The following DNAJB6 variants were observed in gnomAD, a reference collection of about 807,000 sequenced individuals.
DNAJB6 encodes the protein DnaJ heat shock protein family (Hsp40) member B6, also known as dnaJ homolog subfamily B member 6.
A neutral mutation model predicts 42.7 loss-of-function variants in DNAJB6; 16 were observed. The observed-to-expected ratio is 0.37, with a 90% CI of 0.25 to 0.57. The LOEUF (loss-of-function observed/expected upper bound fraction) is 0.57, where lower values mean the gene tolerates loss of function less well. Ranked by LOEUF, DNAJB6 falls within the 20% of genes least tolerant of loss-of-function variation. The pLI is 0.74. For missense variants in DNAJB6, 347 were observed against 416.8 expected, an observed-to-expected ratio of 0.83 and a Z score of 1.46; for synonymous variants, 170 against 163.5, an observed-to-expected ratio of 1.04 and a Z score of -0.30.
At chr7:157,409,654 G>A in intron 8 of DNAJB6, 141 bp from the exon 9 acceptor site, 2 of 959,164 alleles carry the variant, frequency 2.1e-6, no homozygotes, top group Non-Finnish European at 3.0e-6. Context: ...ACTGAAGAAA[G>A]GAGATAACCT....
intron 1 of DNAJB6, among the ~76,000 whole-genome samples, chr7:157,352,203 C>T (rs552678369): frequency 1.3e-5 from 2 of 151,988 alleles, no homozygotes; most frequent in African/African-American, 2.4e-5. Context: ...GTGGTGGGCA[C>T]CTGTAATCCC....
At chr7:157,370,345 T>C (rs1800143026) in intron 5 of DNAJB6, among the ~76,000 whole-genome samples, 1 of 152,184 alleles carries the variant, frequency 6.6e-6, no homozygotes, top group African/African-American at 2.4e-5. Flanking sequence ...ACATTATTAT[T>C]AAACAGGCCG....
chr7:157,370,248 T>TTAACATTATTATTAAACAGGTCTTTCA (rs1800131815), intron 5 of DNAJB6, among the ~76,000 whole-genome samples: 1 of 151,274 alleles, frequency 6.6e-6, no homozygotes, highest in Admixed American at 6.6e-5. Flanking sequence ...AGGCCCTTTC[T>TTAACATTATTATTAAACAGGTCTTTCA]TAACATTATT....
intron 1 of DNAJB6, among the ~76,000 whole-genome samples, chr7:157,339,634 TGTGTGTGTGTGTGA>T (rs149847711): frequency 0.31 from 43,859 of 139,826 alleles, 7,174 homozygotes; most frequent in East Asian, 0.43. Flanking sequence ...TGTGTGTGTG[TGTGTGTGTGTGTGA>T]GATGGAGTTT....
chr7:157,394,102 C>T lies in DNAJB6; in HGVS notation c.691+8491C>T, dbSNP rs113467492. On this transcript the variant is annotated intron_variant, in intron 8 of 9. Coordinates refer to ENST00000262177, the MANE Select transcript of DNAJB6 (RefSeq NM_058246.4). The stretch of plus-strand genomic sequence containing the variant: ...TTTCTTCCTATTTTGGTTAGTTGTG[C>T]TTCTGCAGAATATTTATTTGCAGTA... Among the ~76,000 whole-genome samples, 576 of 152,292 alleles carry T rather than the reference C, an allele frequency of 3.8e-3. 4 individuals are homozygous for T. Among genetic ancestry groups the T allele is most frequent in the African/African-American group, 0.013 (550 of 41,562 alleles).
chr7:157,363,200 T>G lies in DNAJB6; in HGVS notation c.105T>G (p.Asn35Lys). ...KLALKWHPDK[N>K]PENKEEAERK... ...CACTGAAGTGGCATCCAGATAAAAA[T>G]CCTGAGAATAAAGAAGAAGCAGAGA... Residue 35 changes from asparagine to lysine, a missense_variant, in exon 3 of 10, where the codon AAT becomes AAG. Asn to Lys is a moderately conservative substitution (Grantham distance 94, BLOSUM62 0). This residue lies in a region of DNAJB6 where 78 missense variants were observed against 102.1 expected (regional missense o/e 0.76). Transcript: ENST00000262177. The G allele has an allele frequency of 3.1e-6, 5 of 1,611,338 alleles. No individual in the cohort carries two copies. Among genetic ancestry groups the G allele is most frequent in the Non-Finnish European group, 4.2e-6 (5 of 1,178,912 alleles).
At chr7:157,337,779 TAAG>T (rs1798125582) in intron 1 of DNAJB6, 1 of 152,378 alleles carries the variant, frequency 6.6e-6, no homozygotes, top group East Asian at 1.9e-4. Flanking sequence ...GAAGTTTATA[TAAG>T]AAGTTTACAT....
intron 8 of DNAJB6, 24 bp downstream of exon 8, chr7:157,385,635 G>T (rs1384775872): frequency 6.2e-7 from 1 of 1,613,214 alleles, no homozygotes; most frequent in African/African-American, 1.3e-5. Context: ...GCTGCGCTTG[G>T]ATAACAAGTA....
At chr7:157,371,321 G>A (rs549934843) in intron 5 of DNAJB6, among the ~76,000 whole-genome samples, 5 of 152,344 alleles carry the variant, frequency 3.3e-5, no homozygotes, top group African/African-American at 1.2e-4. Context: ...AGATATTTCC[G>A]AGCTGCACTT....
At chr7:157,369,875 T>C (rs1364138464) in intron 5 of DNAJB6, among the ~76,000 whole-genome samples, 2 of 150,938 alleles carry the variant, frequency 1.3e-5, no homozygotes, top group African/African-American at 4.9e-5. Flanking sequence ...CACATTATTA[T>C]TAAACAGGCC....
chr7:157,374,746 G>C (rs1048989829), intron 5 of DNAJB6, among the ~76,000 whole-genome samples: 2 of 152,198 alleles, frequency 1.3e-5, no homozygotes, highest in African/African-American at 2.4e-5. Flanking sequence ...TTTCTGTGCT[G>C]TGAGAACTGA....
intron 1 of DNAJB6, among the ~76,000 whole-genome samples, chr7:157,357,992 G>T (rs1190308106): frequency 6.6e-6 from 1 of 152,214 alleles, no homozygotes; most frequent in Non-Finnish European, 1.5e-5. Context: ...CTGCTGTGTA[G>T]TCAAAGGTCT....
Position 157,416,844 on chromosome 7 carries a change from G to A in DNAJB6, c.*746G>A, listed in dbSNP as rs1796117451. The A allele has an allele frequency of 6.6e-6, 1 of 152,168 alleles. No homozygotes were observed. Among genetic ancestry groups the A allele is most frequent in the South Asian group, 2.1e-4 (1 of 4,828 alleles). 9.4% of individuals were successfully genotyped at this position (152,168 alleles called of 1,614,324 possible). ...GGGCCATGCTGGGGAAAACGGGCCG[G>A]TATTTACACACGCGCAAAACACCCA... On this transcript the variant is annotated 3_prime_UTR_variant, in exon 10 of 10. Coordinates refer to ENST00000262177, the MANE Select transcript of DNAJB6 (RefSeq NM_058246.4).
rs1471205959 is a variant in DNAJB6, at chr7:157,408,862, CG to C, written c.692-930del. 3.3e-5 allele frequency among the ~76,000 whole-genome samples: 5 copies of C among 152,246 alleles called. No individual in the cohort carries two copies. In the South Asian group the frequency reaches 1.0e-3, roughly 31 times the overall value. On this transcript the variant is annotated intron_variant, in intron 8 of 9. Coordinates refer to ENST00000262177, the MANE Select transcript of DNAJB6 (RefSeq NM_058246.4). ...CTGGCGTAAACTCTCTGCTGTGCCA[CG>C]GGAGGGGTCTGCCTTGCTTTACATC...
chr7:157,363,563 C>T lies in DNAJB6; in HGVS notation c.175+293C>T, dbSNP rs376462026. Among the ~76,000 whole-genome samples the T allele has an allele frequency of 1.6e-4, 25 of 152,198 alleles. No individual in the cohort carries two copies. The East Asian group carries it at 3.1e-3, about 19-fold the overall frequency. On this transcript the variant is annotated intron_variant, in intron 3 of 9. Coordinates refer to ENST00000262177, the MANE Select transcript of DNAJB6 (RefSeq NM_058246.4). ...GAGGAACCTGGGAGAGAGGAGGTTG[C>T]GGGACTCAGGTCACTGTGCATGTGG... is the stretch of plus-strand genomic sequence containing the variant.
At chr7:157,343,043 G>A (rs1441757590) in intron 1 of DNAJB6, among the ~76,000 whole-genome samples, 8 of 151,576 alleles carry the variant, frequency 5.3e-5, no homozygotes, top group Non-Finnish European at 1.2e-4. Context: ...TTAGGCTGGA[G>A]TGCAGCGGCG....
chr7:157,365,643 A>G lies in DNAJB6; in HGVS notation c.176-859A>G, dbSNP rs752767529. ...GGCTCTGTGCAGTAGAGTGAAAGAA[A>G]CGATCTAATGGAATAAAGAAAAAAA... On this transcript the variant is annotated intron_variant, in intron 3 of 9. Coordinates refer to ENST00000262177, the MANE Select transcript of DNAJB6 (RefSeq NM_058246.4). Among the ~76,000 whole-genome samples the G allele has an allele frequency of 2.6e-4, 39 of 152,278 alleles. 1 individual carries two copies. The highest frequency in any genetic ancestry group is 2.2e-3 in the Admixed American group (34 of 15,282).
intron 8 of DNAJB6, among the ~76,000 whole-genome samples, chr7:157,401,326 C>T (rs1795510754): frequency 6.6e-6 from 1 of 152,210 alleles, no homozygotes; most frequent in African/African-American, 2.4e-5. Context: ...TCAAGCAACT[C>T]TGCCTCAGCC....
intron 6 of DNAJB6, among the ~76,000 whole-genome samples, chr7:157,384,059 C>T (rs1800926345): frequency 6.6e-6 from 1 of 152,170 alleles, no homozygotes; most frequent in Non-Finnish European, 1.5e-5. Context: ...GAATCATGTT[C>T]AGAGGTATGC....
Sources: gnomAD v4.1 joint callset for allele counts (sites outside exome capture counted in the v4.1 genomes callset) on GRCh38, gnomAD v4.1.1 for gene constraint, gnomAD v4.1.1 regional missense constraint, MANE v1.5 for transcripts, NCBI Gene and HGNC (gene_info 2026-07-23, HGNC 2026-07-21) for gene names.